Variants in CFAP36 observed in about 807,000 individuals in gnomAD.
CFAP36 encodes cilia and flagella associated protein 36, also known as cilia- and flagella-associated protein 36.
A neutral mutation model predicts 50.5 loss-of-function variants in CFAP36; 37 were observed. That is an observed-to-expected ratio of 0.73 (90% CI 0.56 to 0.96). The LOEUF is 0.96. CFAP36 is among the 50% of genes least tolerant of loss of function. The pLI is 0.00. For missense variants in CFAP36, 407 were observed against 396.2 expected (o/e 1.03, Z -0.23); for synonymous variants, 138 against 128.2 (o/e 1.08, Z -0.52).
At chr2:55,524,879 G>A (rs1684164379) in intron 3 of CFAP36, among the ~76,000 whole-genome samples, 1 of 151,990 alleles carries the variant, frequency 6.6e-6, no homozygotes, top group Non-Finnish European at 1.5e-5. Flanking sequence ...TACTTGGGAG[G>A]CTGAGGCAGG....
intron 4 of CFAP36, 36 bp from the exon 5 acceptor site, chr2:55,533,837 T>C (rs771416105): frequency 1.8e-5 from 23 of 1,281,308 alleles, no homozygotes; most frequent in South Asian, 5.3e-5. Flanking sequence ...TTTAATGGAG[T>C]TGATACTATT....
chr2:55,532,154 A>G (rs549344058), intron 4 of CFAP36, among the ~76,000 whole-genome samples: 2 of 151,906 alleles, frequency 1.3e-5, no homozygotes, highest in South Asian at 2.1e-4. Flanking sequence ...GTGAGCTATG[A>G]TAGTACCACT....
At chr2:55,532,121 T>G (rs1054734680) in intron 4 of CFAP36, among the ~76,000 whole-genome samples, 1 of 151,736 alleles carries the variant, frequency 6.6e-6, no homozygotes, top group Non-Finnish European at 1.5e-5. Flanking sequence ...AAGCCCAGCC[T>G]CAGACTTCTG....
chr2:55,545,005 G>GT lies in CFAP36; in HGVS notation c.1027dup (p.Ter343LeufsTer16). The stretch of plus-strand genomic sequence containing the variant: ...AACTCAAAGAAGAAGTTATTAATAA[G>GT]TAATAATTAAGAACAATTTAACAAA... On this transcript the variant is annotated frameshift_variant, in exon 10 of 10. Transcript: ENST00000349456. LOFTEE classifies it high-confidence loss of function. 6.6e-7 allele frequency: 1 copy of GT among 1,525,138 alleles called. No homozygotes were observed. The highest frequency in any genetic ancestry group is 9.0e-7 in the Non-Finnish European group (1 of 1,115,460). The allele number at this position is 1,525,138 out of a possible 1,614,324, so 94.5% of individuals were successfully genotyped here.
intron 7 of CFAP36, among the ~76,000 whole-genome samples, 193 bp from the exon 8 acceptor site, chr2:55,543,745 T>G (rs1268639543): frequency 6.6e-6 from 1 of 152,194 alleles, no homozygotes; most frequent in Non-Finnish European, 1.5e-5. Context: ...TCCAAGCTCC[T>G]TAAGGATAGA....
At chr2:55,526,436 TTTTG>T (rs933802071) in intron 3 of CFAP36, among the ~76,000 whole-genome samples, 61 of 152,302 alleles carry the variant, frequency 4.0e-4, no homozygotes, top group African/African-American at 1.4e-3. Flanking sequence ...AGAAAACCTT[TTTTG>T]TTTGTTTGTT....
intron 1 of CFAP36, among the ~76,000 whole-genome samples, 159 bp downstream of exon 1, chr2:55,520,075 A>T (rs1684017665): frequency 6.6e-6 from 1 of 152,176 alleles, no homozygotes; most frequent in African/African-American, 2.4e-5. Flanking sequence ...CACCCGCGTC[A>T]TCAGGTTTAG....
chr2:55,543,932 T>A lies in CFAP36; in HGVS notation c.641-6T>A. 6.2e-7 allele frequency: 1 copy of A among 1,609,816 alleles called. No individual in the cohort carries two copies. Among genetic ancestry groups the A allele is most frequent in the Non-Finnish European group, 8.5e-7 (1 of 1,177,364 alleles). Reference sequence around the variant, plus strand: ...CTAATTGCTCTTATTGTCTACTTATTGCCAGAAGTTAAAATGCATTTTGCT... The same window carrying A: ...CTAATTGCTCTTATTGTCTACTTATAGCCAGAAGTTAAAATGCATTTTGCT... On this transcript the variant is annotated splice_region_variant and splice_polypyrimidine_tract_variant and intron_variant, in intron 7 of 9. Transcript: ENST00000349456.
intron 1 of CFAP36, chr2:55,520,551 C>T (rs1684035770): frequency 5.1e-6 from 6 of 1,187,680 alleles, no homozygotes; most frequent in East Asian, 2.8e-5. Flanking sequence ...ACAAATGAGG[C>T]GTATAGATAT....
intron 2 of CFAP36, 43 bp downstream of exon 2, chr2:55,522,209 A>C: frequency 1.0e-6 from 1 of 966,660 alleles, no homozygotes; most frequent in African/African-American, 1.7e-5. Context: ...AATTAGGCTA[A>C]TACTACTTAT....
intron 1 of CFAP36, among the ~76,000 whole-genome samples, 180 bp downstream of exon 1, chr2:55,520,096 G>T (rs1196714490): frequency 1.3e-5 from 2 of 152,208 alleles, no homozygotes; most frequent in African/African-American, 4.8e-5. Context: ...AGCTGGTTGT[G>T]TGGGAGGAAT....
At position 55,534,313 on chromosome 2, in the gene CFAP36, A is replaced by G. The variant is rs568056694; in HGVS notation, c.485+353A>G. Among the ~76,000 whole-genome samples, 3 of 152,256 alleles carry G rather than the reference A, an allele frequency of 2.0e-5. No individual in the cohort carries two copies. In the South Asian group the frequency reaches 6.2e-4, roughly 32 times the overall value. The stretch of plus-strand genomic sequence containing the variant: ...TACTCCTTGGCTTCTGGATCTCACT[A>G]TGGAGGTGGCATATTCTAGGTGTCA... On this transcript the variant is annotated intron_variant, in intron 5 of 9. Coordinates refer to ENST00000349456, the MANE Select transcript of CFAP36 (RefSeq NM_080667.7).
At chr2:55,521,293 A>T (rs1288693966) in intron 1 of CFAP36, among the ~76,000 whole-genome samples, 1 of 146,000 alleles carries the variant, frequency 6.8e-6, no homozygotes, top group African/African-American at 2.5e-5. Flanking sequence ...ATTGTTTTAT[A>T]CATATGATCA....
intron 1 of CFAP36, chr2:55,520,612 T>C (rs1684037366): frequency 1.6e-6 from 1 of 637,462 alleles, no homozygotes; most frequent in African/African-American, 1.9e-5. Flanking sequence ...TGAGCAGTTC[T>C]TCAGGCTTGG....
chr2:55,533,372 G>A (rs774227104), intron 4 of CFAP36, among the ~76,000 whole-genome samples: 4 of 152,016 alleles, frequency 2.6e-5, no homozygotes, highest in Non-Finnish European at 5.9e-5. Context: ...GTTTTTGGTG[G>A]GGCTTATTCT....
At chr2:55,532,171 C>G (rs1356973961) in intron 4 of CFAP36, among the ~76,000 whole-genome samples, 1 of 150,290 alleles carries the variant, frequency 6.7e-6, no homozygotes, top group Non-Finnish European at 1.5e-5. Flanking sequence ...CACTGCGTGC[C>G]AGCCTGGGCA....
At chr2:55,537,899 TC>T (rs1157608466) in intron 7 of CFAP36, among the ~76,000 whole-genome samples, 1 of 152,226 alleles carries the variant, frequency 6.6e-6, no homozygotes, top group Non-Finnish European at 1.5e-5. Flanking sequence ...CATTTGGTAT[TC>T]TCTTCCATGC....
At chr2:55,528,429 C>G (rs1684265895) in intron 3 of CFAP36, among the ~76,000 whole-genome samples, 1 of 150,974 alleles carries the variant, frequency 6.6e-6, no homozygotes, top group Non-Finnish European at 1.5e-5. Flanking sequence ...GAGTCTTGCT[C>G]TGTCACCCAG....
At chr2:55,543,314 GCA>G (rs1382681209) in intron 7 of CFAP36, among the ~76,000 whole-genome samples, 1 of 152,038 alleles carries the variant, frequency 6.6e-6, no homozygotes, top group Non-Finnish European at 1.5e-5. Flanking sequence ...CTCTTGGTTG[GCA>G]CAGTCACCAA....
Sources: gnomAD v4.1 joint callset for allele counts (sites outside exome capture counted in the v4.1 genomes callset) on GRCh38, gnomAD v4.1.1 for gene constraint, MANE v1.5 for transcripts, NCBI Gene and HGNC (gene_info 2026-07-23, HGNC 2026-07-21) for gene names.